HEG1: variants seen among roughly 807,000 people sequenced by gnomAD.
HEG1 encodes the protein heart development protein with EGF like domains 1, also known as protein HEG homolog 1.
A neutral mutation model predicts 125.6 loss-of-function variants in HEG1; 56 were observed. The ratio of observed to expected loss-of-function variants is 0.45; its 90% confidence interval spans 0.36 to 0.56. The LOEUF (loss-of-function observed/expected upper bound fraction) is 0.56, where lower values mean the gene tolerates loss of function less well. Ranked by LOEUF, HEG1 falls within the 20% of genes least tolerant of loss-of-function variation. The pLI, the probability that HEG1 is intolerant of heterozygous loss-of-function variation, is 0.00. For missense variants in HEG1, 1,523 were observed against 1,670.0 expected (o/e 0.91, Z 1.53); for synonymous variants, 644 against 668.5 (o/e 0.96, Z 0.57).
chr3:125,054,820 A>T (rs1345486589), intron 1 of HEG1, among the ~76,000 whole-genome samples: 1 of 152,224 alleles, frequency 6.6e-6, no homozygotes, highest in Non-Finnish European at 1.5e-5. Context: ...CCAAGGTCAT[A>T]ATGGTATTAT....
intron 3 of HEG1, among the ~76,000 whole-genome samples, chr3:125,023,183 G>C (rs1393697929): frequency 1.3e-5 from 2 of 152,010 alleles, no homozygotes; most frequent in African/African-American, 2.4e-5. Flanking sequence ...CAGAGAGAGA[G>C]ACTTGGTCTC....
In HEG1 at chr3:124,990,945, T is replaced by C; in HGVS notation, c.3694A>G (p.Ser1232Gly). 4 of 1,558,326 alleles carry C rather than the reference T, an allele frequency of 2.6e-6. No individual in the cohort carries two copies. Among genetic ancestry groups the C allele is most frequent in the Non-Finnish European group, 3.5e-6 (4 of 1,149,660 alleles). ...AGACTAAATCAACATGGAGCCTACCTCATGCAGGTTTCATTTTCAAGCCTA... is the reference window on the plus strand; with the variant it reads ...AGACTAAATCAACATGGAGCCTACCCCATGCAGGTTTCATTTTCAAGCCTA... ...GYRLENETCMSCPFGLGGLNC... is the reference protein window; with the variant it reads ...GYRLENETCMGCPFGLGGLNC... Residue 1232 changes from serine (S) to glycine (G), a missense_variant and splice_region_variant, in exon 13 of 17, where the codon AGT becomes GGT. Ser to Gly is a moderately conservative substitution (Grantham distance 56). Transcript: ENST00000311127.
At chr3:124,973,133 C>T (rs1936475501) in intron 16 of HEG1, among the ~76,000 whole-genome samples, 1 of 151,976 alleles carries the variant, frequency 6.6e-6, no homozygotes, top group African/African-American at 2.4e-5. Context: ...GCAATCCTCC[C>T]ATCTTAGCCT....
rs895336725 is a variant in HEG1, at chr3:125,012,793, G to T, written c.2786C>A (p.Thr929Lys). 6.2e-7 allele frequency: 1 copy of T among 1,614,044 alleles called. No individual in the cohort carries two copies. Among genetic ancestry groups the T allele is most frequent in the Non-Finnish European group, 8.5e-7 (1 of 1,179,906 alleles). The change falls in exon 6 of 17, where the codon ACA becomes AAA. Residue 929 changes from threonine (T) to lysine (K), a missense_variant. Transcript: ENST00000311127. ...SVPTSAKEMT[T>K]KLGVTAEYSP... ...GTACTCTGCTGTAACGCCAAGCTTT[G>T]TGGTCATTTCTTTTGCTGATGTGGG...
chr3:124,978,842 T>A (rs527549051), intron 14 of HEG1, among the ~76,000 whole-genome samples: 13 of 151,138 alleles, frequency 8.6e-5, no homozygotes, highest in African/African-American at 2.9e-4. Flanking sequence ...AATAAATAAA[T>A]AAAAAAGTAA....
chr3:124,994,734 G>A (rs1936891130), intron 12 of HEG1, among the ~76,000 whole-genome samples: 1 of 152,174 alleles, frequency 6.6e-6, no homozygotes, highest in Non-Finnish European at 1.5e-5. Context: ...TCGAACTCCT[G>A]ACCTCATGAT....
At chr3:124,984,724 A>G (rs1936710848) in intron 14 of HEG1, among the ~76,000 whole-genome samples, 1 of 152,154 alleles carries the variant, frequency 6.6e-6, no homozygotes, top group South Asian at 2.1e-4. Flanking sequence ...GCACTACTGC[A>G]CTCCAGCCTG....
chr3:125,020,879 CAG>C lies in HEG1; in HGVS notation c.1163_1164del (p.Thr388ArgfsTer6). 1 of 1,613,968 alleles carries C rather than the reference CAG, an allele frequency of 6.2e-7. No individual in the cohort carries two copies. Among genetic ancestry groups the C allele is most frequent in the Non-Finnish European group, 8.5e-7 (1 of 1,179,896 alleles). On this transcript the variant is annotated frameshift_variant, in exon 4 of 17. Transcript: ENST00000311127. LOFTEE classifies it high-confidence loss of function. ...ATGAATTCCTCATCCCCTGGATTCC[CAG>C]TTACTCTACTGTTTCTTCTCGATTC... The part of the protein sequence containing the change: ...AVESRRNSRV[T>X]GNPGDEEFIE...
In HEG1 at chr3:124,970,436, C is replaced by T. The variant is rs765608745; in HGVS notation, c.*216G>A. The stretch of plus-strand genomic sequence containing the variant: ...CTCTCTTGATACTGGCCCACATTCA[C>T]GTTCACAGTAACAACAAAGGTGCTG... On this transcript the variant is annotated 3_prime_UTR_variant, in exon 17 of 17. Coordinates refer to ENST00000311127, the MANE Select transcript of HEG1 (RefSeq NM_020733.2). 1.5e-5 allele frequency: 8 copies of T among 544,992 alleles called. No homozygotes were observed. Among genetic ancestry groups the T allele is most frequent in the African/African-American group, 3.8e-5 (2 of 52,814 alleles). 33.8% of individuals were successfully genotyped at this position (544,992 alleles called of 1,614,324 possible).
At chr3:125,027,094 T>C in intron 3 of HEG1, 111 bp downstream of exon 3, 1 of 1,030,942 alleles carries the variant, frequency 9.7e-7, no homozygotes, top group South Asian at 1.8e-5. Context: ...TTTGGCTTGA[T>C]GTCTTTTCCC....
intron 1 of HEG1, among the ~76,000 whole-genome samples, chr3:125,050,818 A>G (rs1937789220): frequency 1.3e-5 from 2 of 152,212 alleles, no homozygotes; most frequent in Admixed American, 1.3e-4. Context: ...ACACAAATAG[A>G]GGCATCTGCC....
chr3:124,996,573 G>A (rs1339048502), intron 12 of HEG1, among the ~76,000 whole-genome samples: 1 of 152,152 alleles, frequency 6.6e-6, no homozygotes, highest in Admixed American at 6.5e-5. Flanking sequence ...CCCATCACAG[G>A]TCCCACCTGG....
At chr3:125,016,604 A>G (rs1029090254) in intron 5 of HEG1, among the ~76,000 whole-genome samples, 8 of 152,202 alleles carry the variant, frequency 5.3e-5, no homozygotes, top group Non-Finnish European at 1.2e-4. Flanking sequence ...CACAAACATA[A>G]AAGAGCATAA....
intron 6 of HEG1, among the ~76,000 whole-genome samples, 177 bp downstream of exon 6, chr3:125,012,446 C>T (rs1037098311): frequency 5.9e-5 from 9 of 152,228 alleles, no homozygotes; most frequent in African/African-American, 2.2e-4. Flanking sequence ...ATTAGGCCCA[C>T]CCATGACCTT....
chr3:125,019,359 T>A lies in HEG1; in HGVS notation c.1491A>T (p.Gly497=). The change falls in exon 5 of 17, where the codon GGA becomes GGT. Residue 497 remains glycine (G), a synonymous_variant. Transcript: ENST00000311127. ...TCCTATCTCCCAATGCTGTGTGACT[T>A]CCTCCAGACTGTACAGTAGAGTCTG... is the stretch of plus-strand genomic sequence containing the variant. The part of the protein sequence containing the change: ...QFSDSTVQSG[G]SHTALGDRSY... 2 of 1,614,020 alleles carry A rather than the reference T, an allele frequency of 1.2e-6. No homozygotes were observed. Among genetic ancestry groups the A allele is most frequent in the Non-Finnish European group, 1.7e-6 (2 of 1,179,878 alleles).
chr3:125,043,216 G>A (rs537711551), intron 1 of HEG1, among the ~76,000 whole-genome samples: 4 of 152,284 alleles, frequency 2.6e-5, no homozygotes, highest in East Asian at 1.9e-4. Context: ...CATTCTCTCC[G>A]GGTGACAGAC....
intron 6 of HEG1, among the ~76,000 whole-genome samples, chr3:125,011,002 T>C (rs1012504751): frequency 6.6e-6 from 1 of 152,208 alleles, no homozygotes; most frequent in Non-Finnish European, 1.5e-5. Context: ...TGCCCTGCCC[T>C]TTCTCTTGGG....
rs115095924 is a variant in HEG1, at chr3:125,038,802, G to A, written c.317-9314C>T. 3.3e-3 allele frequency among the ~76,000 whole-genome samples: 510 copies of A among 152,274 alleles called. 3 individuals carry two copies. Among genetic ancestry groups the A allele is most frequent in the African/African-American group, 0.011 (471 of 41,548 alleles). On this transcript the variant is annotated intron_variant, in intron 1 of 16. Transcript: ENST00000311127. ...CTTATTCTTGGTGGAGAAGAGAAAC[G>A]GCCCTGGAGAAATGGAAAGGAGACG...
chr3:124,996,648 A>G (rs149616298), intron 12 of HEG1, among the ~76,000 whole-genome samples: 1,759 of 152,332 alleles, frequency 0.012, 33 homozygotes, highest in African/African-American at 0.04. Context: ...GAGGGTCTGA[A>G]GCTCAGGATA....
Sources: gnomAD v4.1 joint callset for allele counts (sites outside exome capture counted in the v4.1 genomes callset) on GRCh38, gnomAD v4.1.1 for gene constraint, MANE v1.5 for transcripts, NCBI Gene and HGNC (gene_info 2026-07-23, HGNC 2026-07-21) for gene names.